BMPR1A: variants seen among roughly 807,000 people sequenced by gnomAD.
BMPR1A encodes the protein bone morphogenetic protein receptor type-1A.
Under a neutral mutation model 66.0 loss-of-function variants are expected in BMPR1A, and 7 were observed. The observed-to-expected ratio is 0.11, with a 90% confidence interval of 0.06 to 0.20. The LOEUF is 0.20. Ranked by LOEUF, BMPR1A falls within the 10% of genes least tolerant of loss-of-function variation. The pLI is 1.00. For synonymous variants in BMPR1A, 200 were observed against 229.7 expected (o/e 0.87, Z 1.17); for missense variants, 408 against 669.1 (o/e 0.61, Z 4.31).
chr10:86,778,733 A>C lies in BMPR1A; in HGVS notation c.-268+21814A>C, dbSNP rs186698718. Among the ~76,000 whole-genome samples, 289 of 152,112 alleles carry C rather than the reference A, an allele frequency of 1.9e-3. 1 individual carries two copies. Among genetic ancestry groups the C allele is most frequent in the Middle Eastern group, 3.4e-3 (1 of 294 alleles). On this transcript the variant is annotated intron_variant, in intron 1 of 12. Coordinates refer to ENST00000372037, the MANE Select transcript of BMPR1A (RefSeq NM_004329.3). ...TGCTGTAATTTTGTATCCTTTAACA[A>C]ATTTCTCCCTGTCCCTCCCTTTCCT...
intron 1 of BMPR1A, among the ~76,000 whole-genome samples, chr10:86,771,763 T>G (rs1357809990): frequency 6.6e-6 from 1 of 152,138 alleles, no homozygotes; most frequent in Admixed American, 6.5e-5. Flanking sequence ...TGAGATTGAT[T>G]GATTGATTGA....
At chr10:86,757,552 A>C (rs892035634) in intron 1 of BMPR1A, among the ~76,000 whole-genome samples, 4 of 152,156 alleles carry the variant, frequency 2.6e-5, no homozygotes, top group African/African-American at 9.7e-5. Flanking sequence ...AGGAAAAAAA[A>C]ATGAGCTTGC....
intron 1 of BMPR1A, among the ~76,000 whole-genome samples, chr10:86,834,175 A>G (rs1842310461): frequency 7.2e-5 from 11 of 152,218 alleles, no homozygotes; most frequent in Admixed American, 7.2e-4. Flanking sequence ...CAGACTACCC[A>G]CTGGCAAGGG....
At chr10:86,863,271 C>T (rs1035331829) in intron 2 of BMPR1A, among the ~76,000 whole-genome samples, 3 of 152,188 alleles carry the variant, frequency 2.0e-5, no homozygotes, top group South Asian at 4.1e-4. Context: ...AGCCACTGTG[C>T]GGGCCTTAGC....
In BMPR1A at chr10:86,925,721, CTTTT is replaced by C. The variant is rs11450437; in HGVS notation, c.*2016_*2019del. 1.8e-4 allele frequency: 21 copies of C among 117,070 alleles called. No homozygotes were observed. Among genetic ancestry groups the C allele is most frequent in the East Asian group, 8.7e-4 (3 of 3,466 alleles). The allele number at this position is 117,070 out of a possible 1,614,324, so 7.3% of individuals were successfully genotyped here. On this transcript the variant is annotated 3_prime_UTR_variant, in exon 13 of 13. Coordinates refer to ENST00000372037, the MANE Select transcript of BMPR1A (RefSeq NM_004329.3). ...CATAATCTTTAAAATCATTTGTCAT[CTTTT>C]TTTTTTTTTTTTTGAGACGGAGTCT... is the stretch of plus-strand genomic sequence containing the variant.
chr10:86,771,051 A>G (rs1212634376), intron 1 of BMPR1A, among the ~76,000 whole-genome samples: 2 of 152,222 alleles, frequency 1.3e-5, no homozygotes, highest in Non-Finnish European at 2.9e-5. Context: ...CCTGTTTCCA[A>G]ATGCATTCTG....
At chr10:86,794,858 T>C (rs1841682594) in intron 1 of BMPR1A, among the ~76,000 whole-genome samples, 1 of 151,182 alleles carries the variant, frequency 6.6e-6, no homozygotes, top group Non-Finnish European at 1.5e-5. Context: ...AGATATAGTT[T>C]TTTTTTTTTA....
rs551953387 is a variant in BMPR1A, at chr10:86,908,960, G to A, written c.531-3280G>A. Among the ~76,000 whole-genome samples the A allele has an allele frequency of 6.6e-5, 10 of 152,334 alleles. No individual in the cohort carries two copies. In the East Asian group the frequency reaches 1.5e-3, roughly 24 times the overall value. ...AGCATTTCCTCTACATCCCCAAGAG[G>A]CAGAGGGACTTTGCTGCTTCTCCTC... On this transcript the variant is annotated intron_variant, in intron 7 of 12. Coordinates refer to ENST00000372037, the MANE Select transcript of BMPR1A (RefSeq NM_004329.3).
At position 86,911,203 on chromosome 10, in the gene BMPR1A, C is replaced by T. The variant is rs375376813; in HGVS notation, c.531-1037C>T. Among the ~76,000 whole-genome samples, 6 of 146,152 alleles carry T rather than the reference C, an allele frequency of 4.1e-5. No homozygotes were observed. The East Asian group carries it at 1.0e-3, about 25-fold the overall frequency. On this transcript the variant is annotated intron_variant, in intron 7 of 12. Coordinates refer to ENST00000372037, the MANE Select transcript of BMPR1A (RefSeq NM_004329.3). ...TAAACCTTGAGAACATATTTCTTGA[C>T]ATTAGGATTGGAAGGTTGTCTTAAG... is the stretch of plus-strand genomic sequence containing the variant.
intron 1 of BMPR1A, among the ~76,000 whole-genome samples, chr10:86,799,541 TTC>T (rs1841781644): frequency 6.6e-6 from 1 of 151,586 alleles, no homozygotes; most frequent in African/African-American, 2.4e-5. Flanking sequence ...TTTCTTTTCT[TTC>T]TTTCTTTTTT....
rs554024615 is a variant in BMPR1A at position 86,773,613 on chromosome 10, A to C, written c.-268+16694A>C. Among the ~76,000 whole-genome samples, 199 of 151,322 alleles carry C rather than the reference A, an allele frequency of 1.3e-3. 1 individual carries two copies. Among genetic ancestry groups the C allele is most frequent in the African/African-American group, 4.2e-3 (172 of 41,392 alleles). ...TCTCAGAAAGAAAAAAAAAAAAAAAAAAAACACAACACCAGATGGAAATAG... is the reference window on the plus strand; with the variant it reads ...TCTCAGAAAGAAAAAAAAAAAAAAACAAAACACAACACCAGATGGAAATAG... On this transcript the variant is annotated intron_variant, in intron 1 of 12. Coordinates refer to ENST00000372037, the MANE Select transcript of BMPR1A (RefSeq NM_004329.3).
chr10:86,908,591 TC>T (rs1843431175), intron 7 of BMPR1A, among the ~76,000 whole-genome samples: 3 of 152,208 alleles, frequency 2.0e-5, no homozygotes, highest in Admixed American at 2.0e-4. Context: ...TTCTCTGAGT[TC>T]CTACCTCCCC....
intron 2 of BMPR1A, among the ~76,000 whole-genome samples, chr10:86,874,549 G>C (rs1282777260): frequency 6.6e-6 from 1 of 151,710 alleles, no homozygotes; most frequent in Non-Finnish European, 1.5e-5. Context: ...GGGACTACAG[G>C]CGCCTGCCAC....
chr10:86,853,699 A>C (rs1842602720), intron 2 of BMPR1A, among the ~76,000 whole-genome samples: 1 of 152,162 alleles, frequency 6.6e-6, no homozygotes. Context: ...AGATTCCGTG[A>C]TGCCCCACAA....
intron 2 of BMPR1A, among the ~76,000 whole-genome samples, chr10:86,863,211 C>T (rs1367610279): frequency 6.6e-6 from 1 of 152,138 alleles, no homozygotes; most frequent in Non-Finnish European, 1.5e-5. Context: ...CTCCCCGCCT[C>T]AAGTGATCTG....
chr10:86,851,083 C>A (rs1027598604), intron 2 of BMPR1A, among the ~76,000 whole-genome samples: 1 of 152,128 alleles, frequency 6.6e-6, no homozygotes, highest in African/African-American at 2.4e-5. Context: ...TCAGGTCCTC[C>A]ATTTTATGAT....
intron 1 of BMPR1A, among the ~76,000 whole-genome samples, chr10:86,805,046 C>T (rs1841870303): frequency 6.6e-6 from 1 of 151,958 alleles, no homozygotes. Context: ...CTGTCTCTCC[C>T]CACATGTCTG....
intron 1 of BMPR1A, among the ~76,000 whole-genome samples, chr10:86,831,344 A>G (rs974836860): frequency 3.3e-5 from 5 of 152,194 alleles, no homozygotes; most frequent in African/African-American, 1.2e-4. Flanking sequence ...TTATGTCTAT[A>G]TAAAAAGATA....
At chr10:86,853,889 G>A (rs181492758) in intron 2 of BMPR1A, among the ~76,000 whole-genome samples, 41 of 152,112 alleles carry the variant, frequency 2.7e-4, no homozygotes, top group African/African-American at 8.7e-4. Context: ...ATGAAGTTTC[G>A]GGCACCATTG....
Sources: allele counts gnomAD v4.1 joint callset (sites outside exome capture counted in the v4.1 genomes callset), GRCh38; gene constraint gnomAD v4.1.1; transcripts MANE v1.5; gene names NCBI Gene and HGNC (gene_info 2026-07-23, HGNC 2026-07-21).